The following MPDZ variants were observed in gnomAD, a reference collection of about 807,000 sequenced individuals.
MPDZ encodes the protein multiple PDZ domain crumbs cell polarity complex component.
Under a neutral mutation model 239.1 loss-of-function variants are expected in MPDZ, and 234 were observed. The ratio of observed to expected loss-of-function variants is 0.98; its 90% CI spans 0.88 to 1.09. The LOEUF (loss-of-function observed/expected upper bound fraction) is 1.09. Among genes scored for constraint, MPDZ ranks in the 50% least tolerant of loss-of-function variants. MPDZ has a pLI of 0.00. For synonymous variants in MPDZ, 1,048 were observed against 881.3 expected (o/e 1.19, Z -3.35); for missense variants, 3,175 against 2,510.0 (o/e 1.26, Z -5.66).
chr9:13,155,311 C>T (rs1949683670), intron 24 of MPDZ, among the ~76,000 whole-genome samples: 1 of 152,144 alleles, frequency 6.6e-6, no homozygotes, highest in Non-Finnish European at 1.5e-5. Context: ...CCAGCAATTC[C>T]AATTCCACTT....
chr9:13,153,206 C>A (rs965120791), intron 24 of MPDZ, among the ~76,000 whole-genome samples: 1 of 152,030 alleles, frequency 6.6e-6, no homozygotes, highest in Non-Finnish European at 1.5e-5. Context: ...TGGGAACCAG[C>A]TGAAATGAAA....
At chr9:13,254,051 G>C (rs1333798125) in intron 1 of MPDZ, among the ~76,000 whole-genome samples, 1 of 152,148 alleles carries the variant, frequency 6.6e-6, no homozygotes. Flanking sequence ...TCTACAATAT[G>C]CTGCCTCTAG....
chr9:13,122,222 G>A (rs1164539665), intron 36 of MPDZ, 52 bp from the exon 37 acceptor site: 4 of 1,547,468 alleles, frequency 2.6e-6, no homozygotes, highest in Admixed American at 1.7e-5. Flanking sequence ...CCTAGGAATG[G>A]TGAGCAGAAA....
intron 12 of MPDZ, among the ~76,000 whole-genome samples, chr9:13,199,235 T>G (rs1440023835): frequency 6.6e-6 from 1 of 152,084 alleles, no homozygotes; most frequent in Non-Finnish European, 1.5e-5. Flanking sequence ...CTTCTTTGTT[T>G]ACATTTATTC....
At chr9:13,278,295 G>C (rs1974705232) in intron 1 of MPDZ, among the ~76,000 whole-genome samples, 1 of 152,120 alleles carries the variant, frequency 6.6e-6, no homozygotes, top group African/African-American at 2.4e-5. Flanking sequence ...ACTGCAAAAA[G>C]GCAGTCAGTG....
chr9:13,146,323 G>A (rs1189548636), intron 26 of MPDZ, among the ~76,000 whole-genome samples: 1 of 151,918 alleles, frequency 6.6e-6, no homozygotes, highest in East Asian at 1.9e-4. Context: ...ATATTGATAA[G>A]TTACTTTGAC....
intron 22 of MPDZ, among the ~76,000 whole-genome samples, chr9:13,165,723 G>GA (rs1410944901): frequency 6.6e-6 from 1 of 152,082 alleles, no homozygotes; most frequent in Non-Finnish European, 1.5e-5. Flanking sequence ...GTAATTATCT[G>GA]GCAGATGTTA....
Position 13,150,667 on chromosome 9 carries a change from T to C in MPDZ, c.3474A>G (p.Pro1158=), listed in dbSNP as rs771722499. The change falls in exon 25 of 47, where the codon CCA becomes CCG. Residue 1158 remains proline, a synonymous_variant. Coordinates refer to ENST00000319217, the MANE Select transcript of MPDZ (RefSeq NM_001378778.1). ...QPRRVELWRE[P]SKSLGISIVG... ...CAATGCTGATGCCTAAGGATTTGCT[T>C]GGTTCTCTCCAGAGTTCCACCCTAA... 2 of 1,427,364 alleles carry C rather than the reference T, an allele frequency of 1.4e-6. No individual in the cohort carries two copies. The highest frequency in any genetic ancestry group is 2.9e-5 in the African/African-American group (2 of 68,806). The allele number at this position is 1,427,364 out of a possible 1,614,324, so 88.4% of individuals were successfully genotyped here. A position where few individuals can be genotyped will look rare whatever the true frequency, so the allele number is the denominator to read the frequency against.
intron 10 of MPDZ, among the ~76,000 whole-genome samples, chr9:13,214,767 A>G (rs1958074942): frequency 6.6e-6 from 1 of 152,024 alleles, no homozygotes; most frequent in South Asian, 2.1e-4. Flanking sequence ...ATTCATTTAC[A>G]TTGTATGGTA....
intron 1 of MPDZ, among the ~76,000 whole-genome samples, chr9:13,253,819 C>G: frequency 6.6e-6 from 1 of 152,178 alleles, no homozygotes; most frequent in East Asian, 1.9e-4. Context: ...GAAGCAGAAG[C>G]AGCAATGATA....
At chr9:13,151,720 T>C (rs1949199356) in intron 24 of MPDZ, among the ~76,000 whole-genome samples, 1 of 152,032 alleles carries the variant, frequency 6.6e-6, no homozygotes, top group Non-Finnish European at 1.5e-5. Context: ...TAGACGGTGG[T>C]GGTGACTGTA....
chr9:13,169,816 G>C (rs1029375328), intron 21 of MPDZ, among the ~76,000 whole-genome samples: 1 of 152,082 alleles, frequency 6.6e-6, no homozygotes, highest in African/African-American at 2.4e-5. Flanking sequence ...GTCCTTCTTG[G>C]TTCCCTAAGT....
intron 1 of MPDZ, among the ~76,000 whole-genome samples, chr9:13,260,962 C>T (rs1194276147): frequency 2.0e-5 from 3 of 152,192 alleles, no homozygotes; most frequent in Non-Finnish European, 2.9e-5. Flanking sequence ...TACTATGCTT[C>T]GCCCCTTTCT....
At chr9:13,189,500 T>C (rs777828312) in intron 16 of MPDZ, among the ~76,000 whole-genome samples, 3 of 152,098 alleles carry the variant, frequency 2.0e-5, no homozygotes, top group Admixed American at 6.6e-5. Flanking sequence ...GCAACCTTAA[T>C]GTTTTAACAA....
intron 38 of MPDZ, among the ~76,000 whole-genome samples, chr9:13,121,395 A>G (rs1043514989): frequency 6.6e-6 from 1 of 152,194 alleles, no homozygotes; most frequent in Non-Finnish European, 1.5e-5. Flanking sequence ...TTGTTGCAAG[A>G]ATATATTTAA....
chr9:13,201,749 T>G (rs2135501105), intron 12 of MPDZ, among the ~76,000 whole-genome samples: 1 of 152,198 alleles, frequency 6.6e-6, no homozygotes, highest in South Asian at 2.1e-4. Context: ...ATTATTTATT[T>G]CTAAGGTTTG....
At chr9:13,196,661 C>G (rs1487473979) in intron 12 of MPDZ, among the ~76,000 whole-genome samples, 1 of 151,542 alleles carries the variant, frequency 6.6e-6, no homozygotes, top group Non-Finnish European at 1.5e-5. Context: ...CAAATGAAAT[C>G]AACAAATAAT....
intron 36 of MPDZ, among the ~76,000 whole-genome samples, chr9:13,122,665 C>T (rs372773617): frequency 9.9e-5 from 15 of 152,030 alleles, no homozygotes; most frequent in South Asian, 4.1e-4. Context: ...GGATTACAGA[C>T]GCTACCATGC....
chr9:13,176,636 T>C (rs189447619), intron 19 of MPDZ, among the ~76,000 whole-genome samples: 1 of 152,334 alleles, frequency 6.6e-6, no homozygotes, highest in African/African-American at 2.4e-5. Context: ...CTGAAAGTCA[T>C]ACATCTCACG....
Sources: allele counts gnomAD v4.1 joint callset (sites outside exome capture counted in the v4.1 genomes callset), GRCh38; gene constraint gnomAD v4.1.1; transcripts MANE v1.5; gene names NCBI Gene and HGNC (gene_info 2026-07-23, HGNC 2026-07-21).